EYS: variants seen among roughly 807,000 people sequenced by gnomAD.
The protein encoded by EYS is EGF-like photoreceptor maintenance factor, also known as protein eyes shut homolog.
In EYS, 250 loss-of-function variants were observed where a neutral mutation model predicts 282.1. The observed-to-expected ratio is 0.89, with a 90% confidence interval of 0.80 to 0.98. The LOEUF (loss-of-function observed/expected upper bound fraction) is 0.98. Among genes scored for constraint, EYS ranks in the 50% least tolerant of loss-of-function variants. The probability of loss-of-function intolerance (pLI) is 0.00; values close to 1 mark genes in which losing one functional copy is unlikely to be tolerated. For synonymous variants in EYS, 1,355 were observed against 1,282.9 expected, an observed-to-expected ratio of 1.06 and a Z score of -1.20; for missense variants, 4,016 against 3,709.0, an observed-to-expected ratio of 1.08 and a Z score of -2.15.
At chr6:64,246,797 C>A (rs1562270820) in intron 30 of EYS, among the ~76,000 whole-genome samples, 1 of 152,086 alleles carries the variant, frequency 6.6e-6, no homozygotes, top group African/African-American at 2.4e-5. Flanking sequence ...AAGCAATGAA[C>A]CCCTATGGGC....
Position 64,333,949 on chromosome 6 carries a change from T to C in EYS, c.6079-26867A>G, listed in dbSNP as rs181710267. ...TTGATGCCGCAAGACAATTTTACCTTGCCCGAATTTGCTACAAAATTCAGT... is the reference window on the plus strand; with the variant it reads ...TTGATGCCGCAAGACAATTTTACCTCGCCCGAATTTGCTACAAAATTCAGT... On this transcript the variant is annotated intron_variant, in intron 29 of 42. Coordinates refer to ENST00000503581, the MANE Select transcript of EYS (RefSeq NM_001142800.2). Among the ~76,000 whole-genome samples the C allele has an allele frequency of 1.3e-4, 20 of 152,324 alleles. No homozygotes were observed. The East Asian group carries it at 2.9e-3, about 22-fold the overall frequency.
intron 22 of EYS, among the ~76,000 whole-genome samples, chr6:64,689,073 C>A (rs1290424580): frequency 6.6e-6 from 1 of 152,150 alleles, no homozygotes; most frequent in Non-Finnish European, 1.5e-5. Flanking sequence ...TAAAAAACCC[C>A]ATCGTCTCAG....
At chr6:63,729,080 A>T (rs1035921336) in intron 41 of EYS, among the ~76,000 whole-genome samples, 5 of 152,126 alleles carry the variant, frequency 3.3e-5, no homozygotes, top group Admixed American at 1.3e-4. Context: ...ATGATGTAAG[A>T]TGTTGAGCAT....
At chr6:64,218,976 C>G (rs1766012998) in intron 31 of EYS, among the ~76,000 whole-genome samples, 1 of 152,136 alleles carries the variant, frequency 6.6e-6, no homozygotes, top group Admixed American at 6.6e-5. Context: ...GCATGTACTT[C>G]CCTGAGAGCT....
At chr6:64,971,299 GA>G (rs70999181) in intron 14 of EYS, among the ~76,000 whole-genome samples, 142,793 of 150,072 alleles carry the variant, frequency 0.95, 67,983 homozygotes, top group African/African-American at 0.99. Flanking sequence ...TCCTATTCTA[GA>G]AAAAAAAAAA....
At chr6:65,587,856 T>C (rs1405547239) in intron 2 of EYS, among the ~76,000 whole-genome samples, 4 of 152,242 alleles carry the variant, frequency 2.6e-5, no homozygotes, top group African/African-American at 7.2e-5. Flanking sequence ...CTTATTATAG[T>C]TGTAGTTTCA....
intron 29 of EYS, among the ~76,000 whole-genome samples, chr6:64,323,089 A>T (rs1052286232): frequency 1.3e-5 from 2 of 152,122 alleles, no homozygotes; most frequent in African/African-American, 4.8e-5. Context: ...CTATTTAAAA[A>T]TACAATTCAG....
intron 12 of EYS, among the ~76,000 whole-genome samples, chr6:65,131,578 A>G (rs7745931): frequency 0.068 from 10,344 of 151,964 alleles, 726 homozygotes; most frequent in African/African-American, 0.18. Context: ...ACATAGCTAC[A>G]AGGTAGTGAG....
chr6:65,683,182 C>T (rs948421376), intron 1 of EYS, among the ~76,000 whole-genome samples: 2 of 151,866 alleles, frequency 1.3e-5, no homozygotes, highest in Non-Finnish European at 2.9e-5. Flanking sequence ...ATAAAAATTG[C>T]CAAATTGTTT....
chr6:65,295,036 T>C (rs1203354752), intron 12 of EYS, among the ~76,000 whole-genome samples: 2 of 151,906 alleles, frequency 1.3e-5, no homozygotes, highest in South Asian at 4.1e-4. Context: ...ACCTTCAACA[T>C]ATTACTTTAA....
intron 13 of EYS, among the ~76,000 whole-genome samples, chr6:64,999,431 A>C (rs1266047306): frequency 6.6e-6 from 1 of 152,166 alleles, no homozygotes; most frequent in Non-Finnish European, 1.5e-5. Context: ...TGGAATGGGA[A>C]GAGTGTGGTC....
chr6:64,393,123 A>G (rs190650577), intron 28 of EYS, among the ~76,000 whole-genome samples: 10 of 152,290 alleles, frequency 6.6e-5, no homozygotes, highest in Non-Finnish European at 1.0e-4. Context: ...AGGATCTGAA[A>G]TTGTGGCAAT....
intron 27 of EYS, among the ~76,000 whole-genome samples, chr6:64,438,791 T>C (rs1774834785): frequency 6.6e-6 from 1 of 151,688 alleles, no homozygotes; most frequent in Non-Finnish European, 1.5e-5. Flanking sequence ...AACACTCTCT[T>C]GTCTTCTGAA....
At chr6:64,353,301 A>G (rs1201291463) in intron 29 of EYS, among the ~76,000 whole-genome samples, 1 of 151,580 alleles carries the variant, frequency 6.6e-6, no homozygotes, top group Non-Finnish European at 1.5e-5. Flanking sequence ...CTAGGAGTTG[A>G]ACATTATACC....
At chr6:64,237,364 C>A (rs1252066619) in intron 30 of EYS, among the ~76,000 whole-genome samples, 1 of 152,198 alleles carries the variant, frequency 6.6e-6, no homozygotes, top group Middle Eastern at 3.2e-3. Flanking sequence ...ACCACTCTTT[C>A]TAAGCCCCCT....
At chr6:64,693,670 T>C (rs1402865011) in intron 22 of EYS, among the ~76,000 whole-genome samples, 1 of 152,048 alleles carries the variant, frequency 6.6e-6, no homozygotes, top group Non-Finnish European at 1.5e-5. Context: ...TATTTTTTAA[T>C]GGAAAAGACA....
intron 31 of EYS, among the ~76,000 whole-genome samples, chr6:64,125,147 A>ACTCTCTCT (rs747610398): frequency 5.8e-4 from 86 of 147,230 alleles, no homozygotes; most frequent in South Asian, 3.8e-3. Context: ...ACACACACAC[A>ACTCTCTCT]CTCTCTGTCT....
chr6:64,097,191 C>T (rs568159997), intron 31 of EYS, among the ~76,000 whole-genome samples: 1 of 152,350 alleles, frequency 6.6e-6, no homozygotes, highest in African/African-American at 2.4e-5. Context: ...TTAGGCTACT[C>T]TGGGGTCAGG....
At chr6:65,491,294 C>G in intron 4 of EYS, 1 of 251,672 alleles carries the variant, frequency 4.0e-6, no homozygotes, top group Non-Finnish European at 7.9e-6. Context: ...CACACACACA[C>G]ACACACACAC....
Sources: allele counts gnomAD v4.1 joint callset (sites outside exome capture counted in the v4.1 genomes callset), GRCh38; gene constraint gnomAD v4.1.1; transcripts MANE v1.5; gene names NCBI Gene and HGNC (gene_info 2026-07-23, HGNC 2026-07-21).